GRM5: variants seen among roughly 807,000 people sequenced by gnomAD.
GRM5 encodes glutamate metabotropic receptor 5.
In GRM5, 19 loss-of-function variants were observed where a neutral mutation model predicts 83.1. That is an observed-to-expected ratio of 0.23 (90% confidence interval 0.16 to 0.34). The LOEUF (loss-of-function observed/expected upper bound fraction) is 0.34. Ranked by LOEUF, GRM5 falls within the 10% of genes least tolerant of loss-of-function variation. The probability of loss-of-function intolerance (pLI) is 1.00; values close to 1 mark genes in which losing one functional copy is unlikely to be tolerated. For missense variants in GRM5, 1,160 were observed against 1,588.3 expected, an observed-to-expected ratio of 0.73 and a Z score of 4.58; for synonymous variants, 675 against 633.6, an observed-to-expected ratio of 1.07 and a Z score of -0.98.
At chr11:88,530,921 C>CT (rs1414362991) in intron 8 of GRM5, among the ~76,000 whole-genome samples, 2 of 151,936 alleles carry the variant, frequency 1.3e-5, no homozygotes, top group Non-Finnish European at 2.9e-5. Flanking sequence ...TGTATTAGAA[C>CT]TGGGGGGAAG....
At chr11:88,983,508 G>A (rs1939593651) in intron 2 of GRM5, among the ~76,000 whole-genome samples, 1 of 152,116 alleles carries the variant, frequency 6.6e-6, no homozygotes, top group Non-Finnish European at 1.5e-5. Context: ...CCTCATCACT[G>A]GTGTTTGTGG....
intron 6 of GRM5, among the ~76,000 whole-genome samples, chr11:88,596,566 C>T (rs1033026243): frequency 1.3e-5 from 2 of 152,104 alleles, no homozygotes; most frequent in African/African-American, 4.8e-5. Flanking sequence ...CTTCAATTGA[C>T]CACTTTTGTC....
At chr11:88,690,854 C>T (rs1940764705) in intron 3 of GRM5, among the ~76,000 whole-genome samples, 1 of 152,170 alleles carries the variant, frequency 6.6e-6, no homozygotes, top group Non-Finnish European at 1.5e-5. Flanking sequence ...TTGTGGAATC[C>T]ACATTCAATT....
At chr11:88,908,327 A>G (rs1945438056) in intron 2 of GRM5, among the ~76,000 whole-genome samples, 1 of 152,106 alleles carries the variant, frequency 6.6e-6, no homozygotes, top group Non-Finnish European at 1.5e-5. Flanking sequence ...ATAATTCACC[A>G]TATTTTCTTA....
At chr11:89,027,067 A>G (rs1941143674) in intron 2 of GRM5, among the ~76,000 whole-genome samples, 1 of 151,290 alleles carries the variant, frequency 6.6e-6, no homozygotes, top group Non-Finnish European at 1.5e-5. Context: ...GGCCACCCCC[A>G]CAAAGCTGTA....
chr11:88,553,845 T>C (rs1942564996), intron 8 of GRM5, among the ~76,000 whole-genome samples: 1 of 152,210 alleles, frequency 6.6e-6, no homozygotes, highest in Non-Finnish European at 1.5e-5. Context: ...AGTAAAACCT[T>C]GTAAGATGTC....
At chr11:88,752,095 C>G (rs546372463) in intron 3 of GRM5, among the ~76,000 whole-genome samples, 1 of 152,250 alleles carries the variant, frequency 6.6e-6, no homozygotes, top group East Asian at 1.9e-4. Context: ...ATTGAAAGTT[C>G]TGGCCAGGGC....
intron 2 of GRM5, among the ~76,000 whole-genome samples, chr11:89,001,837 C>T (rs1271075128): frequency 1.3e-5 from 2 of 152,134 alleles, no homozygotes; most frequent in East Asian, 1.9e-4. Flanking sequence ...CGAAGACTGT[C>T]ATATCACATT....
At chr11:88,985,800 G>A (rs1247901613) in intron 2 of GRM5, among the ~76,000 whole-genome samples, 1 of 152,076 alleles carries the variant, frequency 6.6e-6, no homozygotes, top group Non-Finnish European at 1.5e-5. Flanking sequence ...GTCAAATAGG[G>A]TTAGCTAACA....
intron 7 of GRM5, among the ~76,000 whole-genome samples, chr11:88,572,388 A>C (rs1182693305): frequency 6.6e-6 from 1 of 152,182 alleles, no homozygotes; most frequent in Non-Finnish European, 1.5e-5. Context: ...GGAAAGTATT[A>C]ATTGGATGGC....
intron 2 of GRM5, among the ~76,000 whole-genome samples, chr11:88,871,908 TG>T (rs1209794311): frequency 6.7e-6 from 1 of 150,336 alleles, no homozygotes; most frequent in Non-Finnish European, 1.5e-5. Context: ...TATAAACAGA[TG>T]AAAAAAAAAG....
intron 3 of GRM5, among the ~76,000 whole-genome samples, chr11:88,689,240 T>C (rs1359977306): frequency 6.6e-6 from 1 of 152,224 alleles, no homozygotes; most frequent in Non-Finnish European, 1.5e-5. Context: ...TGTTAAGCTC[T>C]AGCTACTGGG....
intron 2 of GRM5, among the ~76,000 whole-genome samples, chr11:88,949,891 G>T (rs1378488076): frequency 6.6e-6 from 1 of 152,196 alleles, no homozygotes; most frequent in South Asian, 2.1e-4. Flanking sequence ...TTCAGGTGGG[G>T]TCTTGCTCTG....
chr11:88,911,484 T>C (rs1191461871), intron 2 of GRM5, among the ~76,000 whole-genome samples: 2 of 152,178 alleles, frequency 1.3e-5, no homozygotes, highest in Non-Finnish European at 2.9e-5. Context: ...ACAGTGACAC[T>C]TTCCCTCACT....
intron 8 of GRM5, among the ~76,000 whole-genome samples, chr11:88,554,273 G>A (rs1236394642): frequency 4.6e-5 from 7 of 152,010 alleles, no homozygotes; most frequent in African/African-American, 7.2e-5. Flanking sequence ...ATGTCTCTCC[G>A]ACTCTGGCAC....
intron 2 of GRM5, among the ~76,000 whole-genome samples, chr11:88,854,180 T>G (rs1944434065): frequency 6.6e-6 from 1 of 151,662 alleles, no homozygotes; most frequent in Non-Finnish European, 1.5e-5. Context: ...TTTGTACCGC[T>G]AATGGGACCT....
intron 2 of GRM5, among the ~76,000 whole-genome samples, chr11:88,918,970 G>A (rs1396345893): frequency 2.0e-5 from 3 of 150,076 alleles, no homozygotes; most frequent in Non-Finnish European, 4.5e-5. Flanking sequence ...AGTAAGACAG[G>A]AAGGACAGAA....
At chr11:89,015,096 T>A (rs936480269) in intron 2 of GRM5, among the ~76,000 whole-genome samples, 2 of 152,184 alleles carry the variant, frequency 1.3e-5, no homozygotes, top group Non-Finnish European at 2.9e-5. Flanking sequence ...AGGATGTGAG[T>A]TTACATATTA....
At chr11:88,692,727 A>G (rs1243503686) in intron 3 of GRM5, among the ~76,000 whole-genome samples, 1 of 152,182 alleles carries the variant, frequency 6.6e-6, no homozygotes, top group East Asian at 1.9e-4. Context: ...CCTAAAATAG[A>G]CTTAATGGCA....
Sources: allele counts gnomAD v4.1 joint callset (sites outside exome capture counted in the v4.1 genomes callset), GRCh38; gene constraint gnomAD v4.1.1; transcripts MANE v1.5; gene names NCBI Gene and HGNC (gene_info 2026-07-23, HGNC 2026-07-21).